Variants in FSIP2 observed in about 807,000 individuals in gnomAD.
The protein encoded by FSIP2 is fibrous sheath interacting protein 2, also known as fibrous sheath-interacting protein 2.
FSIP2 carries 367 observed loss-of-function variants against 510.5 expected under a neutral mutation model. The ratio of observed to expected loss-of-function variants is 0.72; its 90% CI spans 0.66 to 0.78. The LOEUF (loss-of-function observed/expected upper bound fraction) is 0.78. Among genes scored for constraint, FSIP2 ranks in the 30% least tolerant of loss-of-function variants. The probability of loss-of-function intolerance (pLI) is 0.00; values close to 1 mark genes in which losing one functional copy is unlikely to be tolerated. For missense variants in FSIP2, 7,594 were observed against 7,901.7 expected (o/e 0.96, Z 1.48); for synonymous variants, 2,601 against 2,732.2 (o/e 0.95, Z 1.50).
chr2:185,824,107 T>C (rs531091294), intron 19 of FSIP2, among the ~76,000 whole-genome samples: 1 of 151,896 alleles, frequency 6.6e-6, no homozygotes, highest in Admixed American at 6.6e-5. Flanking sequence ...TAATGTTTAA[T>C]TGGTATACAG....
At chr2:185,826,769 A>ACTCCTT in intron 20 of FSIP2, among the ~76,000 whole-genome samples, 1 of 151,930 alleles carries the variant, frequency 6.6e-6, no homozygotes, top group Non-Finnish European at 1.5e-5. Flanking sequence ...TATTGGAGCA[A>ACTCCTT]CCAAAGGTGA....
intron 8 of FSIP2, among the ~76,000 whole-genome samples, chr2:185,754,685 AGTTCAGTCTTCACC>A (rs1174141056): frequency 1.3e-5 from 2 of 151,496 alleles, no homozygotes; most frequent in African/African-American, 4.8e-5. Flanking sequence ...CAGCATCTAG[AGTTCAGTCTTCACC>A]TAACTTTTCA....
chr2:185,800,880 C>G lies in FSIP2; in HGVS notation c.11574C>G (p.Ser3858Arg). 1 of 1,534,070 alleles carries G rather than the reference C, an allele frequency of 6.5e-7. No individual in the cohort carries two copies. The highest frequency in any genetic ancestry group is 8.7e-7 in the Non-Finnish European group (1 of 1,145,592). Residue 3858 changes from serine (S) to arginine (R), a missense_variant, in exon 17 of 23, where the codon AGC becomes AGG. By Grantham distance (110) the Ser-to-Arg change is moderately radical. Transcript: ENST00000424728. ...CATTGATGGACAAATTATCTCACAG[C>G]ATACAACAAGCTCCGGAAAGTCTAC... is the stretch of plus-strand genomic sequence containing the variant. ...VKSLMDKLSH[S>R]IQQAPESLPF...
chr2:185,817,246 G>A (rs7608481), intron 19 of FSIP2, among the ~76,000 whole-genome samples: 82,674 of 151,732 alleles, frequency 0.54, 22,771 homozygotes, highest in South Asian at 0.64. Flanking sequence ...TGTTTCACCT[G>A]ACTAGGAACT....
In FSIP2 at chr2:185,790,161, G is replaced by A. The variant is rs374298751; in HGVS notation, c.3025G>A (p.Asp1009Asn). The stretch of plus-strand genomic sequence containing the variant: ...TTCTGATGATGAAAATGAGGAAATA[G>A]ACAATATTGTAAAAAATGTGCTTGA... ...LYSDDENEEI[D>N]NIVKNVLDST... The change falls in exon 16 of 23, where the codon GAC (aspartate) becomes AAC (asparagine). Residue 1009 changes from aspartate (D) to asparagine (N), a missense_variant. Asp to Asn is a conservative substitution (Grantham distance 23, BLOSUM62 1). Transcript: ENST00000424728. 6 of 1,532,494 alleles carry A rather than the reference G, an allele frequency of 3.9e-6. No homozygotes were observed. In the East Asian group the frequency reaches 7.4e-5, roughly 19 times the overall value. 94.9% of individuals were successfully genotyped at this position (1,532,494 alleles called of 1,614,324 possible).
chr2:185,762,175 G>C (rs557860010), intron 11 of FSIP2, among the ~76,000 whole-genome samples, 158 bp downstream of exon 11: 1 of 151,048 alleles, frequency 6.6e-6, no homozygotes. Context: ...ATTATAATTA[G>C]CCCATATATT....
Position 185,803,541 on chromosome 2 carries a change from A to G in FSIP2, c.14235A>G (p.Pro4745=), listed in dbSNP as rs773996721. 6.5e-7 allele frequency: 1 copy of G among 1,533,088 alleles called. No individual in the cohort carries two copies. The highest frequency in any genetic ancestry group is 8.7e-7 in the Non-Finnish European group (1 of 1,145,002). 95.0% of individuals were successfully genotyped at this position (1,533,088 alleles called of 1,614,324 possible). The part of the protein sequence containing the change: ...LAEIFDFQIH[P]DLIANLPFKS... ...AAATTTTTGATTTCCAAATTCATCCAGATCTTATAGCAAATCTGCCTTTTA... is the reference window on the plus strand; with the variant it reads ...AAATTTTTGATTTCCAAATTCATCCGGATCTTATAGCAAATCTGCCTTTTA... Residue 4745 remains proline, a synonymous_variant, in exon 17 of 23, where the codon CCA becomes CCG. Coordinates refer to ENST00000424728, the MANE Select transcript of FSIP2 (RefSeq NM_173651.4).
Position 185,824,475 on chromosome 2 carries a change from T to G in FSIP2, c.20468T>G (p.Leu6823Ter), listed in dbSNP as rs756341865. 1 of 1,579,580 alleles carries G rather than the reference T, an allele frequency of 6.3e-7. No homozygotes were observed. Among genetic ancestry groups the G allele is most frequent in the South Asian group, 1.2e-5 (1 of 85,650 alleles). ...CACTCAGACCCAAGTGCTAAAATAT[T>G]AGAAGGTTGGACTCCTTTTTCTTAA... ...DCHSDPSAKI[L>*]EESSQEQKPE... The change falls in exon 20 of 23, where the codon TTA (leucine) becomes TGA (stop). Residue 6823 changes from leucine to a stop codon, truncating the protein, a stop_gained. Transcript: ENST00000424728. LOFTEE classifies it high-confidence loss of function.
At position 185,808,511 on chromosome 2, in the gene FSIP2, C is replaced by T. The variant is rs1574199973; in HGVS notation, c.19205C>T (p.Ala6402Val). 1 of 1,611,240 alleles carries T rather than the reference C, an allele frequency of 6.2e-7. No individual in the cohort carries two copies. The highest frequency in any genetic ancestry group is 2.2e-5 in the East Asian group (1 of 44,708). Reference sequence around the variant, plus strand: ...TCCAGAAGTAGCATTAGTCTAATAGCTTCTGATCCTGAAGAGCACTGTTTA... The same window carrying T: ...TCCAGAAGTAGCATTAGTCTAATAGTTTCTGATCCTGAAGAGCACTGTTTA... Reference protein sequence around the residue: ...EISRSSISLIASDPEEHCLNP... With the variant: ...EISRSSISLIVSDPEEHCLNP... The change falls in exon 17 of 23, where the codon GCT (alanine) becomes GTT (valine). Residue 6402 changes from alanine to valine, a missense_variant. Transcript: ENST00000424728.
chr2:185,746,773 C>G lies in FSIP2; in HGVS notation c.722C>G (p.Thr241Arg). The G allele has an allele frequency of 6.5e-7, 1 of 1,527,440 alleles. No homozygotes were observed. The highest frequency in any genetic ancestry group is 8.7e-7 in the Non-Finnish European group (1 of 1,143,680). The allele number at this position is 1,527,440 out of a possible 1,614,324, so 94.6% of individuals were successfully genotyped here. A position where few individuals can be genotyped will look rare whatever the true frequency, so the allele number is the denominator to read the frequency against. ...GAAGAAAGACGACAGCGGGAACACACAAGAAGAAAACTTACTCTTCGTAGA... is the reference window on the plus strand; with the variant it reads ...GAAGAAAGACGACAGCGGGAACACAGAAGAAGAAAACTTACTCTTCGTAGA... ...DREERRQREHTRRKLTLRRKI... is the reference protein window; with the variant it reads ...DREERRQREHRRRKLTLRRKI... Residue 241 changes from threonine to arginine, a missense_variant, in exon 6 of 23, where the codon ACA (threonine) becomes AGA (arginine). Coordinates refer to ENST00000424728, the MANE Select transcript of FSIP2 (RefSeq NM_173651.4).
At position 185,803,773 on chromosome 2, in the gene FSIP2, A is replaced by G. The variant is rs1420041936; in HGVS notation, c.14467A>G (p.Ser4823Gly). Reference protein sequence around the residue: ...EQSDTTKSDLSNTVIKLINEI... With the variant: ...EQSDTTKSDLGNTVIKLINEI... ...GTCAGATACTACTAAATCAGACTTAAGTAATACAGTGATAAAACTGATAAA... is the reference window on the plus strand; with the variant it reads ...GTCAGATACTACTAAATCAGACTTAGGTAATACAGTGATAAAACTGATAAA... Residue 4823 changes from serine to glycine, a missense_variant, in exon 17 of 23, where the codon AGT (serine) becomes GGT (glycine). By Grantham distance (56) the Ser-to-Gly change is moderately conservative. Transcript: ENST00000424728. 1 of 1,528,562 alleles carries G rather than the reference A, an allele frequency of 6.5e-7. No individual in the cohort carries two copies. Among genetic ancestry groups the G allele is most frequent in the South Asian group, 1.2e-5 (1 of 83,136 alleles). 94.7% of individuals were successfully genotyped at this position (1,528,562 alleles called of 1,614,324 possible). A position where few individuals can be genotyped will look rare whatever the true frequency, so the allele number is the denominator to read the frequency against.
At chr2:185,767,758 T>C (rs1288322502) in intron 13 of FSIP2, among the ~76,000 whole-genome samples, 1 of 152,160 alleles carries the variant, frequency 6.6e-6, no homozygotes, top group Non-Finnish European at 1.5e-5. Flanking sequence ...TATGCCCTCA[T>C]CTGTTGATGT....
At position 185,745,480 on chromosome 2, in the gene FSIP2, C is replaced by T; in HGVS notation, c.529C>T (p.Gln177Ter). 4 of 1,535,018 alleles carry T rather than the reference C, an allele frequency of 2.6e-6. No homozygotes were observed. The highest frequency in any genetic ancestry group is 3.5e-6 in the Non-Finnish European group (4 of 1,146,056). ...CATACCGGAAAACAATCAAATCCCT[C>T]AACATTGTGATGTTGCACAAGTCCA... ...HNIPENNQIP[Q>*]HCDVAQVQNW... The change falls in exon 5 of 23, where the codon CAA (glutamine) becomes TAA (stop). Residue 177 changes from glutamine (Q) to a stop codon, truncating the protein, a stop_gained. Transcript: ENST00000424728. LOFTEE classifies it high-confidence loss of function.
At position 185,833,154 on chromosome 2, in the gene FSIP2, G is replaced by A. The variant is rs773708845; in HGVS notation, c.20652G>A (p.Leu6884=). The A allele has an allele frequency of 1.2e-6, 2 of 1,610,764 alleles. No homozygotes were observed. The highest frequency in any genetic ancestry group is 1.7e-6 in the Non-Finnish European group (2 of 1,177,758). The stretch of plus-strand genomic sequence containing the variant: ...TGCTGACAAAAATGTCTTCAACTTT[G>A]TCAAAGGTGTTTTCTCAATGTAACA... ...SKMLTKMSST[L]SKVFSQCNTN... The change falls in exon 23 of 23, where the codon TTG becomes TTA. Residue 6884 remains leucine, a synonymous_variant. Transcript: ENST00000424728.
intron 15 of FSIP2, chr2:185,788,041 T>C (rs1159149807): frequency 6.6e-6 from 1 of 151,734 alleles, no homozygotes; most frequent in Admixed American, 6.6e-5. Flanking sequence ...CATTAGCTTT[T>C]ATTTTTGCCT....
Position 185,782,724 on chromosome 2 carries a change from A to C in FSIP2, c.1431A>C (p.Thr477=). The part of the protein sequence containing the change: ...LCESGPQAHA[T]DPGIFSSPVY... ...AAATAGGACCTCAGGCTCATGCTAC[A>C]GACCCGGGTATATTTTCTTCTCCTG... Residue 477 remains threonine (T), a synonymous_variant, in exon 14 of 23, where the codon ACA becomes ACC. Coordinates refer to ENST00000424728, the MANE Select transcript of FSIP2 (RefSeq NM_173651.4). 6.6e-7 allele frequency: 1 copy of C among 1,510,538 alleles called. No individual in the cohort carries two copies. The highest frequency in any genetic ancestry group is 8.9e-7 in the Non-Finnish European group (1 of 1,123,584). The allele number at this position is 1,510,538 out of a possible 1,614,324, so 93.6% of individuals were successfully genotyped here.
At position 185,802,643 on chromosome 2, in the gene FSIP2, AC is replaced by A; in HGVS notation, c.13338del (p.Asn4446LysfsTer24). 1.3e-6 allele frequency: 2 copies of A among 1,533,742 alleles called. No individual in the cohort carries two copies. The highest frequency in any genetic ancestry group is 1.7e-6 in the Non-Finnish European group (2 of 1,145,344). On this transcript the variant is annotated frameshift_variant, in exon 17 of 23. Coordinates refer to ENST00000424728, the MANE Select transcript of FSIP2 (RefSeq NM_173651.4). LOFTEE classifies it high-confidence loss of function. ...AATATTGTTCAGGACATCCTTAGTAACATCAGTAAATCTACTGAGCCAAGCC... is the reference window on the plus strand; with the variant it reads ...AATATTGTTCAGGACATCCTTAGTAAATCAGTAAATCTACTGAGCCAAGCC... The part of the protein sequence containing the change: ...AENIVQDILS[N>X]ISKSTEPSQS...
chr2:185,743,112 T>A, intron 2 of FSIP2, 21 bp from the exon 3 acceptor site: 1 of 1,401,424 alleles, frequency 7.1e-7, no homozygotes, highest in East Asian at 2.7e-5. Flanking sequence ...ATTTTACATA[T>A]TTTTGAATCT....
intron 13 of FSIP2, among the ~76,000 whole-genome samples, chr2:185,776,944 G>A (rs1044335487): frequency 6.6e-6 from 1 of 151,992 alleles, no homozygotes; most frequent in Non-Finnish European, 1.5e-5. Context: ...GGCTGGTCTC[G>A]GACTCCTCAC....
Sources: allele counts gnomAD v4.1 joint callset (sites outside exome capture counted in the v4.1 genomes callset), GRCh38; gene constraint gnomAD v4.1.1; transcripts MANE v1.5; gene names NCBI Gene and HGNC (gene_info 2026-07-23, HGNC 2026-07-21).